The following CTNNA2 variants were observed in gnomAD, a reference collection of about 807,000 sequenced individuals.
CTNNA2 encodes catenin alpha 2.
A neutral mutation model predicts 101.0 loss-of-function variants in CTNNA2; 42 were observed. The observed-to-expected ratio is 0.42, with a 90% CI of 0.32 to 0.54. The LOEUF is 0.54. Ranked by LOEUF, CTNNA2 falls within the 20% of genes least tolerant of loss-of-function variation. The probability of loss-of-function intolerance (pLI) is 0.14; values close to 1 mark genes in which losing one functional copy is unlikely to be tolerated. For missense variants in CTNNA2, 871 were observed against 1,223.1 expected, an observed-to-expected ratio of 0.71 and a Z score of 4.29; for synonymous variants, 450 against 456.4, an observed-to-expected ratio of 0.99 and a Z score of 0.18.
intron 1 of CTNNA2, among the ~76,000 whole-genome samples, chr2:79,554,701 C>T (rs1674334562): frequency 6.6e-6 from 1 of 152,160 alleles, no homozygotes; most frequent in Non-Finnish European, 1.5e-5. Context: ...TCATACCCAA[C>T]ATCAAATTGT....
At chr2:79,852,812 G>T (rs767656309) in intron 3 of CTNNA2, among the ~76,000 whole-genome samples, 1 of 151,998 alleles carries the variant, frequency 6.6e-6, no homozygotes, top group Non-Finnish European at 1.5e-5. Context: ...GAATGGTCTC[G>T]ATCTCTTGAC....
At chr2:80,361,751 T>C (rs977431616) in intron 7 of CTNNA2, among the ~76,000 whole-genome samples, 4 of 152,026 alleles carry the variant, frequency 2.6e-5, no homozygotes, top group Non-Finnish European at 5.9e-5. Context: ...GGAAATATAA[T>C]TTAGAACAAA....
chr2:80,508,993 T>G (rs1467841088), intron 9 of CTNNA2, among the ~76,000 whole-genome samples: 1 of 152,176 alleles, frequency 6.6e-6, no homozygotes, highest in African/African-American at 2.4e-5. Flanking sequence ...ATTGCATGGA[T>G]GCATCTGATC....
At chr2:80,530,911 C>A (rs1261404017) in intron 9 of CTNNA2, among the ~76,000 whole-genome samples, 1 of 152,138 alleles carries the variant, frequency 6.6e-6, no homozygotes, top group African/African-American at 2.4e-5. Flanking sequence ...AGAATTAAAA[C>A]TTCATGAGAG....
At chr2:79,424,094 G>A (rs1212610973) in intron 4 of CTNNA2, among the ~76,000 whole-genome samples, 1 of 152,130 alleles carries the variant, frequency 6.6e-6, no homozygotes, top group African/African-American at 2.4e-5. Flanking sequence ...GGTCAAGAGA[G>A]AGAGGAAGCC....
chr2:79,436,533 G>C (rs1678716546), intron 4 of CTNNA2, among the ~76,000 whole-genome samples: 1 of 152,134 alleles, frequency 6.6e-6, no homozygotes, highest in South Asian at 2.1e-4. Context: ...ATTGGTCTGG[G>C]GTCTGTTCTG....
chr2:80,631,005 A>G (rs1281875593), intron 18 of CTNNA2, among the ~76,000 whole-genome samples: 2 of 152,204 alleles, frequency 1.3e-5, no homozygotes, highest in African/African-American at 2.4e-5. Flanking sequence ...TTTCAAAGAT[A>G]TACCTTCGGT....
intron 2 of CTNNA2, among the ~76,000 whole-genome samples, chr2:79,206,450 G>A (rs1181604528): frequency 1.3e-5 from 2 of 152,158 alleles, no homozygotes; most frequent in African/African-American, 2.4e-5. Context: ...GTCAATCTTT[G>A]TCAATCCCAG....
chr2:80,543,420 C>T (rs888921033), intron 9 of CTNNA2, among the ~76,000 whole-genome samples: 1 of 152,070 alleles, frequency 6.6e-6, no homozygotes, highest in East Asian at 1.9e-4. Context: ...CAAAGGTAAA[C>T]TATAAACTAT....
At chr2:79,891,252 A>C (rs114263123) in intron 6 of CTNNA2, among the ~76,000 whole-genome samples, 1 of 152,098 alleles carries the variant, frequency 6.6e-6, no homozygotes, top group Admixed American at 6.5e-5. Flanking sequence ...AACTGACCAG[A>C]TTTGCATGGA....
intron 1 of CTNNA2, among the ~76,000 whole-genome samples, chr2:79,531,818 A>T (rs1451432787): frequency 6.6e-6 from 1 of 151,592 alleles, no homozygotes; most frequent in Admixed American, 6.6e-5. Flanking sequence ...AGTTGCTGGG[A>T]TTACAGGCGC....
intron 18 of CTNNA2, among the ~76,000 whole-genome samples, chr2:80,639,485 T>G (rs1324145711): frequency 6.7e-6 from 1 of 149,936 alleles, no homozygotes; most frequent in Non-Finnish European, 1.5e-5. Flanking sequence ...GCTGGGATTA[T>G]AGGCATGAAC....
chr2:79,936,946 T>C (rs112397908), intron 7 of CTNNA2, among the ~76,000 whole-genome samples: 2 of 152,302 alleles, frequency 1.3e-5, no homozygotes, highest in African/African-American at 2.4e-5. Flanking sequence ...AAGAGCCACT[T>C]TTCTTATCCT....
chr2:80,029,906 C>CGAGCT lies in CTNNA2; in HGVS notation c.1056+120111_1056+120115dup, dbSNP rs1449214010. ...TCCAGACACAAAGTTGAGCAGGCATCGAGCTGGATAATGCTTCCATGATGC... is the reference window on the plus strand; with the variant it reads ...TCCAGACACAAAGTTGAGCAGGCATCGAGCTGAGCTGGATAATGCTTCCATGATGC... On this transcript the variant is annotated intron_variant, in intron 7 of 18. Transcript: ENST00000402739. Among the ~76,000 whole-genome samples, 7 of 152,070 alleles carry CGAGCT rather than the reference C, an allele frequency of 4.6e-5. No homozygotes were observed. The East Asian group carries it at 1.4e-3, about 29-fold the overall frequency.
At position 79,930,320 on chromosome 2, in the gene CTNNA2, G is replaced by GAAAGAAAGAA. The variant is rs1379616643; in HGVS notation, c.1056+20525_1056+20534dup. On this transcript the variant is annotated intron_variant, in intron 7 of 18. Transcript: ENST00000402739. Reference sequence around the variant, plus strand: ...AGAAAGAAAGAAAGAAAGAAAGAAAGAAAGAAAGAAAGAAAGAAAGAAAGA... The same window carrying GAAAGAAAGAA: ...AGAAAGAAAGAAAGAAAGAAAGAAAGAAAGAAAGAAAAAGAAAGAAAGAAAGAAAGAAAGA... 1.1e-3 allele frequency among the ~76,000 whole-genome samples: 161 copies of GAAAGAAAGAA among 143,118 alleles called. 4 individuals are homozygous for GAAAGAAAGAA. Among genetic ancestry groups the GAAAGAAAGAA allele is most frequent in the African/African-American group, 4.1e-3 (157 of 37,968 alleles). 93.9% of individuals were successfully genotyped at this position (143,118 alleles called of 152,430 possible).
intron 16 of CTNNA2, among the ~76,000 whole-genome samples, chr2:80,606,410 ACACC>A (rs148473878): frequency 0.13 from 7,836 of 60,100 alleles, 355 homozygotes; most frequent in African/African-American, 0.31. Flanking sequence ...ACACACACAC[ACACC>A]CCCCAGGATA....
At chr2:79,716,383 A>G (rs1270256242) in intron 2 of CTNNA2, among the ~76,000 whole-genome samples, 1 of 152,150 alleles carries the variant, frequency 6.6e-6, no homozygotes, top group Non-Finnish European at 1.5e-5. Context: ...CCAGCACCTC[A>G]GTGTTGCATC....
chr2:80,148,283 G>C (rs1703478512), intron 7 of CTNNA2, among the ~76,000 whole-genome samples: 1 of 152,216 alleles, frequency 6.6e-6, no homozygotes, highest in South Asian at 2.1e-4. Flanking sequence ...TACAAAAGTA[G>C]CATCAGCAGC....
At chr2:79,621,585 A>C (rs1476000313) in intron 1 of CTNNA2, among the ~76,000 whole-genome samples, 3 of 152,220 alleles carry the variant, frequency 2.0e-5, no homozygotes, top group Admixed American at 6.5e-5. Context: ...TACTAATAAA[A>C]ATATGTGATT....
Sources: allele counts gnomAD v4.1 joint callset (sites outside exome capture counted in the v4.1 genomes callset), GRCh38; gene constraint gnomAD v4.1.1; transcripts MANE v1.5; gene names NCBI Gene and HGNC (gene_info 2026-07-23, HGNC 2026-07-21).